NEGR1: variants seen among roughly 807,000 people sequenced by gnomAD.
The protein encoded by NEGR1 is IgLON family member 4.
A neutral mutation model predicts 40.9 loss-of-function variants in NEGR1; 10 were observed. The ratio of observed to expected loss-of-function variants is 0.24; its 90% confidence interval spans 0.15 to 0.42. The LOEUF (loss-of-function observed/expected upper bound fraction) is 0.42. NEGR1 is among the 10% of genes least tolerant of loss of function. The pLI is 1.00. For missense variants in NEGR1, 352 were observed against 438.9 expected (o/e 0.80, Z 1.77); for synonymous variants, 185 against 166.8 (o/e 1.11, Z -0.84).
At chr1:71,485,415 T>C (rs1011510380) in intron 6 of NEGR1, among the ~76,000 whole-genome samples, 15 of 151,644 alleles carry the variant, frequency 9.9e-5, no homozygotes, top group Non-Finnish European at 1.6e-4. Context: ...TTTGTTACAA[T>C]TGATGAATCT....
At chr1:71,913,921 TC>T (rs1437838400) in intron 2 of NEGR1, among the ~76,000 whole-genome samples, 11 of 152,122 alleles carry the variant, frequency 7.2e-5, no homozygotes, top group African/African-American at 2.7e-4. Context: ...ACAATATTTT[TC>T]CCAGTATGTC....
intron 6 of NEGR1, among the ~76,000 whole-genome samples, chr1:71,499,082 A>T (rs905368518): frequency 1.3e-5 from 2 of 152,150 alleles, no homozygotes; most frequent in Non-Finnish European, 2.9e-5. Flanking sequence ...CTCTCTTTTT[A>T]AAAAATTTAA....
At chr1:71,864,790 A>G (rs1035138663) in intron 2 of NEGR1, among the ~76,000 whole-genome samples, 1 of 152,198 alleles carries the variant, frequency 6.6e-6, no homozygotes, top group Admixed American at 6.5e-5. Context: ...ATTAAAGCAG[A>G]AAAGTTCTCA....
chr1:72,145,796 T>C (rs574379057), intron 1 of NEGR1, among the ~76,000 whole-genome samples: 2 of 152,296 alleles, frequency 1.3e-5, no homozygotes, highest in East Asian at 3.9e-4. Flanking sequence ...AAAGCAATAC[T>C]ACTAACATGT....
At chr1:71,935,909 C>G (rs921724125) in intron 1 of NEGR1, among the ~76,000 whole-genome samples, 3 of 152,136 alleles carry the variant, frequency 2.0e-5, no homozygotes, top group African/African-American at 7.2e-5. Context: ...AGCAATTCTC[C>G]TGTCTCAGCC....
At chr1:71,903,334 A>T (rs1661191524) in intron 2 of NEGR1, among the ~76,000 whole-genome samples, 1 of 152,020 alleles carries the variant, frequency 6.6e-6, no homozygotes, top group Admixed American at 6.5e-5. Context: ...AAGTAATTCT[A>T]TCACAAAGTT....
intron 3 of NEGR1, among the ~76,000 whole-genome samples, chr1:71,744,809 C>T (rs1042932731): frequency 6.6e-6 from 1 of 152,134 alleles, no homozygotes; most frequent in Admixed American, 6.6e-5. Flanking sequence ...ATTCTTACTG[C>T]ACTTTATGCA....
intron 6 of NEGR1, among the ~76,000 whole-genome samples, chr1:71,465,898 G>T (rs771380265): frequency 1.3e-5 from 2 of 151,922 alleles, no homozygotes; most frequent in African/African-American, 2.4e-5. Context: ...TAAGTCCTTG[G>T]ATTAGAGTAT....
chr1:72,248,658 G>T (rs867519288), intron 1 of NEGR1, among the ~76,000 whole-genome samples: 2 of 149,770 alleles, frequency 1.3e-5, no homozygotes, highest in Admixed American at 1.3e-4. Flanking sequence ...CAGTATAGTG[G>T]TGCAATCTTG....
At chr1:72,194,073 G>A (rs1652915932) in intron 1 of NEGR1, among the ~76,000 whole-genome samples, 1 of 151,818 alleles carries the variant, frequency 6.6e-6, no homozygotes, top group African/African-American at 2.4e-5. Flanking sequence ...AAAATTTAAA[G>A]AGCATATAGT....
In NEGR1 at chr1:71,527,402, ACCATCCATCCATCCATCCAT is replaced by A. The variant is rs71095944; in HGVS notation, c.940+65395_940+65414del. Among the ~76,000 whole-genome samples, 368 of 147,912 alleles carry A rather than the reference ACCATCCATCCATCCATCCAT, an allele frequency of 2.5e-3. 2 individuals are homozygous for A. Among genetic ancestry groups the A allele is most frequent in the African/African-American group, 4.4e-3 (177 of 39,852 alleles). On this transcript the variant is annotated intron_variant, in intron 6 of 6. Transcript: ENST00000357731. ...CATCCATCCATCCATCCATCCAACC[ACCATCCATCCATCCATCCAT>A]CCATCCATCCATCCATCCATCCATC...
rs1373567551 is a variant in NEGR1 at position 71,407,436 on chromosome 1, G to A, written c.*10C>T. 2 of 1,610,850 alleles carry A rather than the reference G, an allele frequency of 1.2e-6. No homozygotes were observed. The highest frequency in any genetic ancestry group is 2.7e-5 in the African/African-American group (2 of 74,762). On this transcript the variant is annotated 3_prime_UTR_variant, in exon 7 of 7. Transcript: ENST00000357731. ...GAGAATCCTTAAAAGCCTTTTATGGGTCTTTGAATTTATTGTAGAATGGCA... is the reference window on the plus strand; with the variant it reads ...GAGAATCCTTAAAAGCCTTTTATGGATCTTTGAATTTATTGTAGAATGGCA...
At chr1:71,706,557 G>C (rs1437039387) in intron 3 of NEGR1, among the ~76,000 whole-genome samples, 2 of 124,860 alleles carry the variant, frequency 1.6e-5, no homozygotes, top group Non-Finnish European at 3.3e-5. Flanking sequence ...TGCCACAGTT[G>C]CTGCTCCAAA....
At chr1:71,483,448 A>G (rs2101374956) in intron 6 of NEGR1, among the ~76,000 whole-genome samples, 1 of 151,924 alleles carries the variant, frequency 6.6e-6, no homozygotes, top group South Asian at 2.1e-4. Flanking sequence ...ATAATTCATA[A>G]TAGAGATGAT....
intron 6 of NEGR1, among the ~76,000 whole-genome samples, chr1:71,575,812 AAC>A (rs1491076491): frequency 9.9e-5 from 15 of 151,984 alleles, no homozygotes; most frequent in Admixed American, 8.5e-4. Context: ...AACAAAACAA[AAC>A]AAAAACAAAA....
At chr1:71,797,809 T>C (rs1214067733) in intron 2 of NEGR1, among the ~76,000 whole-genome samples, 1 of 152,146 alleles carries the variant, frequency 6.6e-6, no homozygotes, top group East Asian at 1.9e-4. Context: ...TGACTCTTCT[T>C]CCATGGTTAG....
intron 6 of NEGR1, among the ~76,000 whole-genome samples, chr1:71,531,653 ATGGGAAAC>A (rs1417731674): frequency 6.6e-6 from 1 of 151,356 alleles, no homozygotes; most frequent in Non-Finnish European, 1.5e-5. Context: ...CCCCTGTAAA[ATGGGAAAC>A]TGTTATTAAT....
chr1:71,809,744 A>G (rs994381872), intron 2 of NEGR1, among the ~76,000 whole-genome samples: 3 of 151,954 alleles, frequency 2.0e-5, no homozygotes, highest in South Asian at 2.1e-4. Flanking sequence ...GTGTGTGTGT[A>G]TGTGTGTGTA....
At chr1:71,659,508 T>C (rs1025514104) in intron 4 of NEGR1, among the ~76,000 whole-genome samples, 13 of 152,104 alleles carry the variant, frequency 8.5e-5, no homozygotes, top group South Asian at 2.1e-4. Context: ...AGATCTTCTA[T>C]AGAGCAAAAG....
Sources: gnomAD v4.1 joint callset for allele counts (sites outside exome capture counted in the v4.1 genomes callset) on GRCh38, gnomAD v4.1.1 for gene constraint, MANE v1.5 for transcripts, NCBI Gene and HGNC (gene_info 2026-07-23, HGNC 2026-07-21) for gene names.